Variants in RUNX1 observed in about 807,000 individuals in gnomAD.
The protein encoded by RUNX1 is runt-related transcription factor 1.
Under a neutral mutation model 42.8 loss-of-function variants are expected in RUNX1, and 19 were observed. The ratio of observed to expected loss-of-function variants is 0.44; its 90% CI spans 0.31 to 0.65. The LOEUF (loss-of-function observed/expected upper bound fraction) is 0.65. Among genes scored for constraint, RUNX1 ranks in the 30% least tolerant of loss-of-function variants. RUNX1 has a pLI of 0.07. For missense variants in RUNX1, 528 were observed against 672.0 expected (o/e 0.79, Z 2.37); for synonymous variants, 271 against 289.4 (o/e 0.94, Z 0.64).
At chr21:34,844,001 C>G (rs1222230721) in intron 6 of RUNX1, among the ~76,000 whole-genome samples, 1 of 152,106 alleles carries the variant, frequency 6.6e-6, no homozygotes, top group African/African-American at 2.4e-5. Flanking sequence ...AGACAGCTCC[C>G]AAATTCAAGG....
intron 2 of RUNX1, among the ~76,000 whole-genome samples, chr21:34,992,838 G>A (rs1037759377): frequency 3.9e-5 from 6 of 152,224 alleles, no homozygotes; most frequent in African/African-American, 9.7e-5. Context: ...GCAGGGCTTT[G>A]CAATGCAGCT....
At chr21:34,948,274 C>T (rs778649115) in intron 2 of RUNX1, among the ~76,000 whole-genome samples, 1 of 152,186 alleles carries the variant, frequency 6.6e-6, no homozygotes, top group South Asian at 2.1e-4. Context: ...AAATTGCCAA[C>T]GTGCACCTAA....
intron 2 of RUNX1, among the ~76,000 whole-genome samples, chr21:34,967,295 A>G (rs1298864172): frequency 1.6e-5 from 2 of 123,794 alleles, no homozygotes; most frequent in South Asian, 3.0e-4. Context: ...ACTCCAGCCC[A>G]GGCGACAGTG....
chr21:35,049,012 T>G, intron 1 of RUNX1, 54 bp from the exon 2 acceptor site: 2 of 863,450 alleles, frequency 2.3e-6, no homozygotes, highest in South Asian at 2.6e-5. Context: ...CCTCTAGCCC[T>G]ACATCTCTCT....
Position 34,956,978 on chromosome 21 carries a change from C to T in RUNX1, c.59-64015G>A, listed in dbSNP as rs767626881. 4.9e-4 allele frequency among the ~76,000 whole-genome samples: 75 copies of T among 152,192 alleles called. 1 individual carries two copies. Among genetic ancestry groups the T allele is most frequent in the Admixed American group, 5.2e-4 (8 of 15,292 alleles). ...TGATGATTTCCACGTGGCAGGGCCA[C>T]GGGTTACAGAGCACAGCCTGTGCCC... On this transcript the variant is annotated intron_variant, in intron 2 of 8. Transcript: ENST00000675419.
intron 2 of RUNX1, among the ~76,000 whole-genome samples, chr21:34,921,225 C>A (rs2146555288): frequency 6.6e-6 from 1 of 152,300 alleles, no homozygotes; most frequent in South Asian, 2.1e-4. Context: ...CACCACCTTC[C>A]ATCTCCAGAA....
intron 2 of RUNX1, chr21:35,038,538 T>C (rs1387961719): frequency 1.1e-5 from 5 of 453,784 alleles, no homozygotes; most frequent in Non-Finnish European, 2.2e-5. Flanking sequence ...GAAGTCCCAA[T>C]GGATTCCCTA....
Position 34,843,678 on chromosome 21 carries a change from AG to A in RUNX1, c.614-9078del, listed in dbSNP as rs1214916350. On this transcript the variant is annotated intron_variant, in intron 6 of 8. Transcript: ENST00000675419. The surrounding 1 kb of genome is among the most constrained non-coding windows in gnomAD (Gnocchi z 4.8). ...GACGCACACAGGCCTGCCCCTCCCCAGCCCCCCTGCACCATGCGCCCAAGAC... is the reference window on the plus strand; with the variant it reads ...GACGCACACAGGCCTGCCCCTCCCCACCCCCCTGCACCATGCGCCCAAGAC... Among the ~76,000 whole-genome samples the A allele has an allele frequency of 3.0e-5, 4 of 132,614 alleles. No individual in the cohort carries two copies. The highest frequency in any genetic ancestry group is 2.7e-4 in the East Asian group (1 of 3,704). 87.0% of individuals were successfully genotyped at this position (132,614 alleles called of 152,430 possible).
At chr21:34,821,958 G>C (rs2056914583) in intron 7 of RUNX1, among the ~76,000 whole-genome samples, 1 of 152,174 alleles carries the variant, frequency 6.6e-6, no homozygotes, top group African/African-American at 2.4e-5. Context: ...CCATGTCTGG[G>C]CAACGGCTTC....
At chr21:34,832,438 A>C (rs950498185) in intron 7 of RUNX1, among the ~76,000 whole-genome samples, 54 of 152,210 alleles carry the variant, frequency 3.5e-4, no homozygotes, top group Admixed American at 3.5e-3. Context: ...TTGCCTTTAA[A>C]AATGCTTAAG....
At chr21:34,859,235 T>C (rs372795890) in intron 6 of RUNX1, 142 of 565,066 alleles carry the variant, frequency 2.5e-4, no homozygotes, top group African/African-American at 1.9e-3. Flanking sequence ...TAACATATGA[T>C]TCAGTCAGCC....
In RUNX1 at chr21:34,982,470, G is replaced by A. The variant is rs985604001; in HGVS notation, c.58+66372C>T. On this transcript the variant is annotated intron_variant, in intron 2 of 8. Coordinates refer to ENST00000675419, the MANE Select transcript of RUNX1 (RefSeq NM_001754.5). ...GGAGGAGAGAGTTTGGATTGGGAAA[G>A]TTACCATCCACTCTCCTCTTAGCAT... is the stretch of plus-strand genomic sequence containing the variant. 2.0e-5 allele frequency among the ~76,000 whole-genome samples: 3 copies of A among 151,520 alleles called. 1 individual carries two copies. Among genetic ancestry groups the A allele is most frequent in the Non-Finnish European group, 4.4e-5 (3 of 67,920 alleles).
intron 7 of RUNX1, among the ~76,000 whole-genome samples, chr21:34,819,768 G>A (rs1294022608): frequency 1.3e-5 from 2 of 152,176 alleles, no homozygotes; most frequent in African/African-American, 2.4e-5. Context: ...CCAGCCTCCC[G>A]CCCCTCCTGG....
At chr21:35,001,097 C>T (rs985874806) in intron 2 of RUNX1, among the ~76,000 whole-genome samples, 13 of 152,116 alleles carry the variant, frequency 8.5e-5, no homozygotes, top group Non-Finnish European at 1.5e-4. Context: ...TACCAGTCAT[C>T]GACTAATGCT....
intron 3 of RUNX1, among the ~76,000 whole-genome samples, chr21:34,890,607 C>G (rs2058070087): frequency 6.6e-6 from 1 of 152,228 alleles, no homozygotes; most frequent in Admixed American, 6.5e-5. Context: ...TCCGCTCCCC[C>G]TGGGCACTGC....
intron 2 of RUNX1, among the ~76,000 whole-genome samples, chr21:35,047,287 C>T (rs569039018): frequency 6.6e-6 from 1 of 152,112 alleles, no homozygotes; most frequent in East Asian, 1.9e-4. Flanking sequence ...AGAGGAAATG[C>T]AGCCAGGGAG....
At chr21:34,941,806 ATTTCTT>A (rs1266941403) in intron 2 of RUNX1, among the ~76,000 whole-genome samples, 1 of 150,248 alleles carries the variant, frequency 6.7e-6, no homozygotes, top group Admixed American at 6.6e-5. Context: ...ATAGATGATG[ATTTCTT>A]TTTCTTTTAT....
chr21:34,965,420 G>A (rs1244305362), intron 2 of RUNX1, among the ~76,000 whole-genome samples: 1 of 152,022 alleles, frequency 6.6e-6, no homozygotes, highest in African/African-American at 2.4e-5. Context: ...CCACTGCGTA[G>A]GGCCAGATAC....
intron 2 of RUNX1, among the ~76,000 whole-genome samples, chr21:34,963,986 G>GCATTCATT (rs749228044): frequency 4.6e-5 from 7 of 152,128 alleles, no homozygotes; most frequent in Non-Finnish European, 8.8e-5. Flanking sequence ...GATTGGGATG[G>GCATTCATT]CATTCATTCA....
Sources: gnomAD v4.1 joint callset for allele counts (sites outside exome capture counted in the v4.1 genomes callset) on GRCh38, gnomAD v4.1.1 for gene constraint, Gnocchi (gnomAD v3.1) non-coding constraint, MANE v1.5 for transcripts, NCBI Gene and HGNC (gene_info 2026-07-23, HGNC 2026-07-21) for gene names.